Variants in GRIA4 observed in about 807,000 individuals in gnomAD.
GRIA4 encodes glutamate ionotropic receptor AMPA type subunit 4.
Under a neutral mutation model 104.0 loss-of-function variants are expected in GRIA4, and 34 were observed. The ratio of observed to expected loss-of-function variants is 0.33; its 90% CI spans 0.25 to 0.44. The LOEUF (loss-of-function observed/expected upper bound fraction) is 0.44, where lower values mean the gene tolerates loss of function less well. Ranked by LOEUF, GRIA4 falls within the 20% of genes least tolerant of loss-of-function variation. The pLI is 1.00. For missense variants in GRIA4, 750 were observed against 1,096.5 expected (o/e 0.68, Z 4.46); for synonymous variants, 386 against 381.9 (o/e 1.01, Z -0.13).
intron 4 of GRIA4, among the ~76,000 whole-genome samples, chr11:105,849,818 A>C (rs767008829): frequency 5.3e-5 from 8 of 152,194 alleles, no homozygotes; most frequent in East Asian, 1.9e-4. Flanking sequence ...AATTAGCTCT[A>C]AAAAACAACC....
chr11:105,701,714 C>T (rs887045363), intron 3 of GRIA4, among the ~76,000 whole-genome samples: 3 of 152,044 alleles, frequency 2.0e-5, no homozygotes, highest in Non-Finnish European at 4.4e-5. Flanking sequence ...GCCTCTTCCA[C>T]CTGAAAAGTG....
Position 105,905,214 on chromosome 11 carries a change from G to A in GRIA4, c.1071G>A (p.Leu357=). The A allele has an allele frequency of 6.2e-7, 1 of 1,603,176 alleles. No individual in the cohort carries two copies. The highest frequency in any genetic ancestry group is 8.5e-7 in the Non-Finnish European group (1 of 1,170,190). Residue 357 remains leucine (L), a synonymous_variant, in exon 9 of 17, where the codon CTG becomes CTA. Coordinates refer to ENST00000282499, the MANE Select transcript of GRIA4 (RefSeq NM_000829.4). The stretch of plus-strand genomic sequence containing the variant: ...TCACTTAGGTTCGAATTCAAGGGCT[G>A]ACAGGGAATGTTCAGTTTGACCACT... The part of the protein sequence containing the change: ...RTLKQVRIQG[L]TGNVQFDHYG...
chr11:105,906,186 A>G (rs908521867), intron 9 of GRIA4, among the ~76,000 whole-genome samples: 1 of 152,228 alleles, frequency 6.6e-6, no homozygotes, highest in Non-Finnish European at 1.5e-5. Flanking sequence ...GGTGCTTTGC[A>G]TGATTCCATC....
At chr11:105,903,480 T>C (rs1441866564) in intron 7 of GRIA4, among the ~76,000 whole-genome samples, 2 of 152,186 alleles carry the variant, frequency 1.3e-5, no homozygotes, top group African/African-American at 2.4e-5. Context: ...TGCATTAGCC[T>C]TTGATACATT....
At chr11:105,746,887 A>C (rs1939692127) in intron 3 of GRIA4, among the ~76,000 whole-genome samples, 1 of 152,106 alleles carries the variant, frequency 6.6e-6, no homozygotes, top group South Asian at 2.1e-4. Flanking sequence ...CAATCGGCAA[A>C]AAGCTGGAAA....
chr11:105,930,147 G>T (rs1947831298), intron 13 of GRIA4, among the ~76,000 whole-genome samples: 1 of 151,944 alleles, frequency 6.6e-6, no homozygotes, highest in African/African-American at 2.4e-5. Context: ...CTTCATTTTA[G>T]CCTGTCTCAT....
intron 3 of GRIA4, among the ~76,000 whole-genome samples, chr11:105,634,447 AGG>A (rs1951129700): frequency 8.9e-6 from 1 of 111,778 alleles, no homozygotes; most frequent in Non-Finnish European, 2.0e-5. Flanking sequence ...AAAGGAAGGA[AGG>A]AGAAAGAAAG....
Position 105,974,297 on chromosome 11 carries a change from T to C in GRIA4, c.2410-13T>C. 1 of 1,612,812 alleles carries C rather than the reference T, an allele frequency of 6.2e-7. No homozygotes were observed. Among genetic ancestry groups the C allele is most frequent in the Non-Finnish European group, 8.5e-7 (1 of 1,179,172 alleles). On this transcript the variant is annotated splice_polypyrimidine_tract_variant and intron_variant, in intron 15 of 16. Coordinates refer to ENST00000282499, the MANE Select transcript of GRIA4 (RefSeq NM_000829.4). ...ATTTCCACAGTTAACTGAAGTGTCT[T>C]TATCCCCCCTAGGACAAGACGAGTG...
chr11:105,823,755 G>A (rs1384648699), intron 4 of GRIA4, among the ~76,000 whole-genome samples: 4 of 151,968 alleles, frequency 2.6e-5, no homozygotes, highest in South Asian at 2.1e-4. Flanking sequence ...TTTTTGAGAC[G>A]GGATTTTTTA....
chr11:105,614,219 A>T (rs1324012797), intron 3 of GRIA4: 1 of 151,664 alleles, frequency 6.6e-6, no homozygotes, highest in African/African-American at 2.4e-5. Flanking sequence ...AGATTTCCTT[A>T]CAAGTGGCAG....
chr11:105,872,644 C>A (rs1945659458), intron 5 of GRIA4, among the ~76,000 whole-genome samples: 1 of 152,090 alleles, frequency 6.6e-6, no homozygotes, highest in Admixed American at 6.6e-5. Flanking sequence ...TCACCACCAG[C>A]CCCATCAAGT....
intron 3 of GRIA4, among the ~76,000 whole-genome samples, chr11:105,683,757 A>G (rs914383752): frequency 2.0e-5 from 3 of 152,244 alleles, no homozygotes; most frequent in Admixed American, 2.0e-4. Flanking sequence ...TGAACAATGC[A>G]AGGTTGTTCA....
At chr11:105,669,761 A>G (rs1218087418) in intron 3 of GRIA4, among the ~76,000 whole-genome samples, 3 of 152,156 alleles carry the variant, frequency 2.0e-5, no homozygotes, top group Non-Finnish European at 2.9e-5. Flanking sequence ...ATAAATAAAC[A>G]CTGTGTGTCA....
chr11:105,957,316 G>C (rs983712961), intron 14 of GRIA4, among the ~76,000 whole-genome samples: 3 of 152,146 alleles, frequency 2.0e-5, no homozygotes, highest in African/African-American at 7.2e-5. Flanking sequence ...TCCAGTTTCA[G>C]CTTTCTACAT....
chr11:105,875,114 T>G (rs1042884304), intron 5 of GRIA4, among the ~76,000 whole-genome samples: 1 of 152,242 alleles, frequency 6.6e-6, no homozygotes. Context: ...TTTAGAGTTT[T>G]TAGCATGAAG....
chr11:105,678,453 G>T (rs910256275), intron 3 of GRIA4, among the ~76,000 whole-genome samples: 2 of 151,954 alleles, frequency 1.3e-5, no homozygotes, highest in African/African-American at 4.8e-5. Flanking sequence ...TTTAATTGGG[G>T]AAGCTAATGC....
chr11:105,973,318 C>T (rs551548641), intron 15 of GRIA4, among the ~76,000 whole-genome samples: 1 of 151,982 alleles, frequency 6.6e-6, no homozygotes, highest in African/African-American at 2.4e-5. Flanking sequence ...GGTAGTCTAC[C>T]AAAATACTTC....
intron 14 of GRIA4, among the ~76,000 whole-genome samples, chr11:105,960,136 C>G (rs938662074): frequency 3.3e-5 from 5 of 152,188 alleles, no homozygotes; most frequent in Non-Finnish European, 4.4e-5. Flanking sequence ...GCACTTTGTC[C>G]CTTGGTGGAG....
At chr11:105,699,198 C>T (rs2135516951) in intron 3 of GRIA4, among the ~76,000 whole-genome samples, 1 of 152,270 alleles carries the variant, frequency 6.6e-6, no homozygotes, top group South Asian at 2.1e-4. Context: ...TGAGGATCAA[C>T]CATGTCCCTG....
Sources: allele counts gnomAD v4.1 joint callset (sites outside exome capture counted in the v4.1 genomes callset), GRCh38; gene constraint gnomAD v4.1.1; transcripts MANE v1.5; gene names NCBI Gene and HGNC (gene_info 2026-07-23, HGNC 2026-07-21).